Variants in SHISA9 observed in about 807,000 individuals in gnomAD.
SHISA9 encodes shisa family member 9, also known as protein shisa-9.
Under a neutral mutation model 38.0 loss-of-function variants are expected in SHISA9, and 13 were observed. The ratio of observed to expected loss-of-function variants is 0.34; its 90% CI spans 0.22 to 0.54. The LOEUF (loss-of-function observed/expected upper bound fraction) is 0.54. Among genes scored for constraint, SHISA9 ranks in the 20% least tolerant of loss-of-function variants. The pLI, the probability that SHISA9 is intolerant of heterozygous loss-of-function variation, is 0.91. For synonymous variants in SHISA9, 275 were observed against 242.0 expected (o/e 1.14, Z -1.27); for missense variants, 538 against 575.8 (o/e 0.93, Z 0.67).
At chr16:12,985,241 G>GTAAGTAAATAAA (rs375295293) in intron 2 of SHISA9, among the ~76,000 whole-genome samples, 2 of 148,968 alleles carry the variant, frequency 1.3e-5, no homozygotes, top group African/African-American at 5.0e-5. Context: ...AAATAAATAA[G>GTAAGTAAATAAA]TAAATAAATA....
At chr16:13,427,384 C>T in the SHISA9 span, among the ~76,000 whole-genome samples, 6 of 152,208 alleles carry the variant, frequency 3.9e-5, no homozygotes, top group Non-Finnish European at 5.9e-5. Context: ...TTCACCCTCT[C>T]TGTTACAGAT....
At chr16:13,091,874 A>C (rs934330983) in intron 2 of SHISA9, among the ~76,000 whole-genome samples, 1 of 152,112 alleles carries the variant, frequency 6.6e-6, no homozygotes. Context: ...TTTGGAGGAG[A>C]AGAGGCGCTC....
chr16:13,040,682 C>T (rs1329671447), intron 2 of SHISA9, among the ~76,000 whole-genome samples: 1 of 152,062 alleles, frequency 6.6e-6, no homozygotes, highest in African/African-American at 2.4e-5. Context: ...CATACAATGC[C>T]CCAGTAGAAT....
At chr16:13,467,525 C>T in the SHISA9 span, among the ~76,000 whole-genome samples, 1 of 152,182 alleles carries the variant, frequency 6.6e-6, no homozygotes, top group East Asian at 1.9e-4. Flanking sequence ...CTCTGCTTCT[C>T]CAACTTGTAC....
chr16:13,488,913 C>T, the SHISA9 span, among the ~76,000 whole-genome samples: 1 of 152,108 alleles, frequency 6.6e-6, no homozygotes, highest in Non-Finnish European at 1.5e-5. Flanking sequence ...AGGCGCCTGC[C>T]ACCGCGCCTG....
chr16:13,364,380 G>A, the SHISA9 span, among the ~76,000 whole-genome samples: 3 of 152,220 alleles, frequency 2.0e-5, no homozygotes, highest in Admixed American at 6.5e-5. Context: ...AGAAAATAAA[G>A]AGAAGCAAAT....
Position 13,239,039 on chromosome 16 carries a change from T to C in SHISA9, c.*3630T>C, listed in dbSNP as rs1841687801. 7.7e-6 allele frequency: 1 copy of C among 129,828 alleles called. No homozygotes were observed. Among genetic ancestry groups the C allele is most frequent in the African/African-American group, 2.9e-5 (1 of 34,424 alleles). 8.0% of individuals were successfully genotyped at this position (129,828 alleles called of 1,614,324 possible). On this transcript the variant is annotated 3_prime_UTR_variant, in exon 5 of 5. Coordinates refer to ENST00000558583, the MANE Select transcript of SHISA9 (RefSeq NM_001145204.3). Reference sequence around the variant, plus strand: ...TGTGATGTTCCCCTTCTTGTGTCCATGTGTTCTCATTGTTCAATTCCCATC... The same window carrying C: ...TGTGATGTTCCCCTTCTTGTGTCCACGTGTTCTCATTGTTCAATTCCCATC...
At chr16:13,304,320 A>C in the SHISA9 span, among the ~76,000 whole-genome samples, 1 of 152,240 alleles carries the variant, frequency 6.6e-6, no homozygotes, top group East Asian at 1.9e-4. Context: ...GTGTAGTAGC[A>C]TGATCACGGC....
the SHISA9 span, among the ~76,000 whole-genome samples, chr16:13,416,821 TGAAG>T: frequency 3.7e-5 from 3 of 81,982 alleles, no homozygotes; most frequent in Non-Finnish European, 5.0e-5. Context: ...AGGGAAGGAA[TGAAG>T]GAAGGAAGAG....
In SHISA9 at chr16:13,019,932, T is replaced by C. The variant is rs1326379237; in HGVS notation, c.691+103117T>C. 4.8e-3 allele frequency among the ~76,000 whole-genome samples: 435 copies of C among 90,346 alleles called. 10 individuals are homozygous for C. The highest frequency in any genetic ancestry group is 8.9e-3 in the Non-Finnish European group (350 of 39,518). 59.3% of individuals were successfully genotyped at this position (90,346 alleles called of 152,430 possible). ...CTTTCTTTCTTTCTTTCTTTCTTTC[T>C]TTCTTTCTTTCTTTCTTTCTTTCTT... On this transcript the variant is annotated intron_variant, in intron 2 of 4. Coordinates refer to ENST00000558583, the MANE Select transcript of SHISA9 (RefSeq NM_001145204.3).
chr16:12,926,962 A>G (rs1238389282), intron 2 of SHISA9, among the ~76,000 whole-genome samples: 1 of 152,172 alleles, frequency 6.6e-6, no homozygotes, highest in Non-Finnish European at 1.5e-5. Context: ...TTTTGGTTGG[A>G]AAATAAGAAT....
At chr16:13,424,218 GAA>G in the SHISA9 span, among the ~76,000 whole-genome samples, 1 of 73,818 alleles carries the variant, frequency 1.4e-5, no homozygotes, top group Non-Finnish European at 2.9e-5. Flanking sequence ...GTCCTCTCCT[GAA>G]TATCTCACTA....
intron 2 of SHISA9, among the ~76,000 whole-genome samples, chr16:13,034,403 A>C (rs932849760): frequency 6.6e-6 from 1 of 152,166 alleles, no homozygotes; most frequent in African/African-American, 2.4e-5. Flanking sequence ...ACACCTTATG[A>C]AAGTCAGGTC....
the SHISA9 span, among the ~76,000 whole-genome samples, chr16:13,529,183 A>C: frequency 1.2e-4 from 19 of 152,206 alleles, no homozygotes; most frequent in Admixed American, 1.2e-3. Flanking sequence ...GATAGAATGG[A>C]TTATTTGTGG....
intron 4 of SHISA9, among the ~76,000 whole-genome samples, chr16:13,223,573 G>A (rs1354320391): frequency 6.6e-6 from 1 of 152,184 alleles, no homozygotes; most frequent in Non-Finnish European, 1.5e-5. Flanking sequence ...TAGCTTTCAA[G>A]AGCCTAGTGT....
intron 1 of SHISA9, among the ~76,000 whole-genome samples, chr16:12,914,150 A>G (rs1242792042): frequency 6.7e-6 from 1 of 149,994 alleles, no homozygotes; most frequent in South Asian, 2.1e-4. Flanking sequence ...GGTTCAAGCA[A>G]TTGTCCTGCC....
At chr16:13,100,953 C>T (rs906042417) in intron 2 of SHISA9, among the ~76,000 whole-genome samples, 8 of 152,196 alleles carry the variant, frequency 5.3e-5, no homozygotes, top group African/African-American at 1.9e-4. Context: ...ACCTCGGTCT[C>T]CCGAAGTGCT....
intron 4 of SHISA9, among the ~76,000 whole-genome samples, chr16:13,226,174 C>T (rs890443461): frequency 6.6e-6 from 1 of 152,226 alleles, no homozygotes; most frequent in Non-Finnish European, 1.5e-5. Flanking sequence ...TTTCCCCTCA[C>T]CTGGCTCCAA....
At chr16:13,498,171 A>G in the SHISA9 span, among the ~76,000 whole-genome samples, 1 of 152,216 alleles carries the variant, frequency 6.6e-6, no homozygotes, top group South Asian at 2.1e-4. Context: ...GTGAAAAGAC[A>G]ATGTAGAAGA....
Sources: gnomAD v4.1 joint callset for allele counts (sites outside exome capture counted in the v4.1 genomes callset) on GRCh38, gnomAD v4.1.1 for gene constraint, MANE v1.5 for transcripts, NCBI Gene and HGNC (gene_info 2026-07-23, HGNC 2026-07-21) for gene names.